DKK4: variants seen among roughly 807,000 people sequenced by gnomAD.
DKK4 encodes dickkopf-related protein 4.
In DKK4, 15 loss-of-function variants were observed where a neutral mutation model predicts 14.5. The ratio of observed to expected loss-of-function variants is 1.03; its 90% CI spans 0.69 to 1.59. DKK4 has a LOEUF of 1.59. Among genes scored for constraint, DKK4 ranks in the 40% most tolerant of loss-of-function variants. The pLI, the probability that DKK4 is intolerant of heterozygous loss-of-function variation, is 0.00. For synonymous variants in DKK4, 89 were observed against 105.2 expected, an observed-to-expected ratio of 0.85 and a Z score of 0.94; for missense variants, 272 against 280.3, an observed-to-expected ratio of 0.97 and a Z score of 0.21.
At chr8:42,378,804 A>C (rs997432604), upstream of DKK4, among the ~76,000 whole-genome samples, 2 of 151,884 alleles carry the variant, frequency 1.3e-5, no homozygotes, top group Non-Finnish European at 2.9e-5. Flanking sequence ...ACATGTTAGG[A>C]ATAAAATTTG....
the DKK4 span, among the ~76,000 whole-genome samples, chr8:42,388,103 T>C: frequency 6.6e-6 from 1 of 152,202 alleles, no homozygotes; most frequent in South Asian, 2.1e-4. Flanking sequence ...TCTCACTATG[T>C]TGCTCAGCCT....
chr8:42,385,673 G>A, the DKK4 span, among the ~76,000 whole-genome samples: 1 of 152,090 alleles, frequency 6.6e-6, no homozygotes, highest in East Asian at 1.9e-4. Flanking sequence ...CCAGCACAAA[G>A]TCCAGGCTCC....
chr8:42,388,155 G>A, the DKK4 span, among the ~76,000 whole-genome samples: 1 of 152,142 alleles, frequency 6.6e-6, no homozygotes, highest in Non-Finnish European at 1.5e-5. Flanking sequence ...TGAAGTTGTG[G>A]CTCTAATATT....
upstream of DKK4, among the ~76,000 whole-genome samples, chr8:42,378,972 C>A (rs1023077704): frequency 6.0e-5 from 9 of 149,448 alleles, no homozygotes; most frequent in East Asian, 1.8e-3. Context: ...AAAAGTAGGC[C>A]GCGTGCGGTG....
chr8:42,385,226 T>C, the DKK4 span, among the ~76,000 whole-genome samples: 3 of 151,926 alleles, frequency 2.0e-5, no homozygotes, highest in African/African-American at 7.3e-5. Flanking sequence ...ACCCCATTTC[T>C]ACAAAAAATA....
At chr8:42,389,224 T>A in the DKK4 span, among the ~76,000 whole-genome samples, 10 of 152,270 alleles carry the variant, frequency 6.6e-5, no homozygotes, top group East Asian at 1.9e-3. Flanking sequence ...ATTACAGGAG[T>A]GAGCCATGGC....
upstream of DKK4, among the ~76,000 whole-genome samples, chr8:42,377,838 T>A (rs1416530233): frequency 6.6e-6 from 1 of 152,218 alleles, no homozygotes; most frequent in Non-Finnish European, 1.5e-5. Flanking sequence ...TTGAACTGTT[T>A]GAAGTTAGGG....
intron 1 of DKK4, among the ~76,000 whole-genome samples, 178 bp from the exon 2 acceptor site, chr8:42,376,008 C>A (rs1824554985): frequency 6.6e-6 from 1 of 152,196 alleles, no homozygotes; most frequent in African/African-American, 2.4e-5. Context: ...CTCATGTCAC[C>A]CGGGGAGACC....
At chr8:42,387,046 C>T in the DKK4 span, among the ~76,000 whole-genome samples, 1 of 152,230 alleles carries the variant, frequency 6.6e-6, no homozygotes, top group Non-Finnish European at 1.5e-5. Context: ...TGGGCCTCTG[C>T]ACTCAGATGC....
chr8:42,374,228 CT>C lies in DKK4; in HGVS notation c.546del (p.Asp183ThrfsTer24). On this transcript the variant is annotated frameshift_variant, in exon 4 of 4. Coordinates refer to ENST00000220812, the MANE Select transcript of DKK4 (RefSeq NM_014420.3). LOFTEE classifies it low-confidence loss of function (END_TRUNC). ...EGQVCSRRGHKDTAQAPEIFQ... is the reference protein window; with the variant it reads ...EGQVCSRRGHXDTAQAPEIFQ... ...AAGATTTCTGGAGCTTGAGCAGTGT[CT>C]TTATGCCCTCTTCTGGAGCAGACCT... is the stretch of plus-strand genomic sequence containing the variant. 6.2e-7 allele frequency: 1 copy of C among 1,613,636 alleles called. No homozygotes were observed. The highest frequency in any genetic ancestry group is 8.5e-7 in the Non-Finnish European group (1 of 1,179,930).
upstream of DKK4, among the ~76,000 whole-genome samples, chr8:42,380,433 AAGAG>A (rs1292425877): frequency 6.9e-6 from 1 of 145,466 alleles, no homozygotes; most frequent in African/African-American, 2.5e-5. Flanking sequence ...GGGAAAGAAG[AAGAG>A]AGAGAGGAAG....
chr8:42,380,985 A>G (rs975047722), upstream of DKK4, among the ~76,000 whole-genome samples: 16 of 152,174 alleles, frequency 1.1e-4, no homozygotes, highest in Non-Finnish European at 4.4e-5. Context: ...CACTGGTGTG[A>G]TCTAATTTGC....
chr8:42,382,935 G>A, the DKK4 span, among the ~76,000 whole-genome samples: 4 of 152,162 alleles, frequency 2.6e-5, no homozygotes, highest in Admixed American at 6.5e-5. Flanking sequence ...TGTGGTTCAC[G>A]TCAAAGGCTG....
At chr8:42,384,621 C>T in the DKK4 span, among the ~76,000 whole-genome samples, 81 of 152,246 alleles carry the variant, frequency 5.3e-4, no homozygotes, top group African/African-American at 1.8e-3. Context: ...AAGCCACCTG[C>T]AGCTGAAGCC....
the DKK4 span, among the ~76,000 whole-genome samples, chr8:42,389,342 C>A: frequency 2.0e-5 from 3 of 152,200 alleles, no homozygotes; most frequent in Admixed American, 6.5e-5. Context: ...GAGGTTAATG[C>A]TTGCCTAAGA....
the DKK4 span, among the ~76,000 whole-genome samples, chr8:42,385,937 C>A: frequency 6.6e-6 from 1 of 152,198 alleles, no homozygotes; most frequent in African/African-American, 2.4e-5. Flanking sequence ...TACATATGTA[C>A]ATGCAGCATT....
chr8:42,389,700 T>C, the DKK4 span, among the ~76,000 whole-genome samples: 2 of 152,218 alleles, frequency 1.3e-5, no homozygotes, highest in Non-Finnish European at 2.9e-5. Context: ...ATTTCAAGAA[T>C]AGTGCAATGA....
the DKK4 span, among the ~76,000 whole-genome samples, chr8:42,389,286 A>C: frequency 6.6e-6 from 1 of 152,176 alleles, no homozygotes; most frequent in Non-Finnish European, 1.5e-5. Flanking sequence ...TCCTGAGTAG[A>C]TATTAAGTTA....
chr8:42,380,909 GAGAA>G (rs375434654), upstream of DKK4, among the ~76,000 whole-genome samples: 315 of 151,306 alleles, frequency 2.1e-3, 2 homozygotes, highest in African/African-American at 7.0e-3. Flanking sequence ...AAGAAAATGA[GAGAA>G]AGAAAGAAAA....
Sources: allele counts gnomAD v4.1 joint callset (sites outside exome capture counted in the v4.1 genomes callset), GRCh38; gene constraint gnomAD v4.1.1; transcripts MANE v1.5; gene names NCBI Gene and HGNC (gene_info 2026-07-23, HGNC 2026-07-21).